The following TENM4 variants were observed in gnomAD, a reference collection of about 807,000 sequenced individuals.
The protein encoded by TENM4 is teneurin transmembrane protein 4, also known as teneurin-4.
A neutral mutation model predicts 243.3 loss-of-function variants in TENM4; 82 were observed. The observed-to-expected ratio is 0.34, with a 90% CI of 0.28 to 0.40. The LOEUF is 0.40. Ranked by LOEUF, TENM4 falls within the 10% of genes least tolerant of loss-of-function variation. TENM4 has a pLI of 1.00. For missense variants in TENM4, 3,138 were observed against 3,673.3 expected (o/e 0.85, Z 3.77); for synonymous variants, 1,412 against 1,456.3 (o/e 0.97, Z 0.69).
chr11:78,813,294 G>C (rs983964097), intron 13 of TENM4, among the ~76,000 whole-genome samples: 1 of 152,172 alleles, frequency 6.6e-6, no homozygotes, highest in Admixed American at 6.5e-5. Context: ...TCAAGCCTCA[G>C]GACTCGGGTG....
At position 78,864,307 on chromosome 11, in the gene TENM4, G is replaced by A. The variant is rs560796125; in HGVS notation, c.1085-1175C>T. Among the ~76,000 whole-genome samples, 39 of 150,814 alleles carry A rather than the reference G, an allele frequency of 2.6e-4. 1 individual carries two copies. The highest frequency in any genetic ancestry group is 1.2e-3 in the East Asian group (6 of 5,124). ...AAATTAGCCGGGCGTAGTGGCGGGCGCCTGTAGTCCCAGCTACTTGGGAGG... is the reference window on the plus strand; with the variant it reads ...AAATTAGCCGGGCGTAGTGGCGGGCACCTGTAGTCCCAGCTACTTGGGAGG... On this transcript the variant is annotated intron_variant, in intron 9 of 33. Transcript: ENST00000278550.
chr11:79,330,142 G>A (rs910513901), intron 1 of TENM4, among the ~76,000 whole-genome samples: 18 of 152,312 alleles, frequency 1.2e-4, no homozygotes, highest in Non-Finnish European at 1.9e-4. Context: ...CTTTAAGCTA[G>A]CAACATGGCA....
rs1858284480 is a variant in TENM4 at position 78,670,166 on chromosome 11, A to G, written c.6179T>C (p.Ile2060Thr). ...GFTCTIRYRQ[I>T]GPLIDRQIFR... ...GATCTGTCGGTCAATCAGGGGCCCA[A>G]TCTGACGGTAGCGGATGGTGCAGGT... is the stretch of plus-strand genomic sequence containing the variant. The change falls in exon 32 of 34, where the codon ATT becomes ACT. Residue 2060 changes from isoleucine (I) to threonine (T), a missense_variant. Transcript: ENST00000278550. 3 of 1,613,848 alleles carry G rather than the reference A, an allele frequency of 1.9e-6. No individual in the cohort carries two copies. Among genetic ancestry groups the G allele is most frequent in the East Asian group, 2.2e-5 (1 of 44,884 alleles).
chr11:79,373,465 G>C (rs1353555276), intron 1 of TENM4, among the ~76,000 whole-genome samples: 3 of 152,088 alleles, frequency 2.0e-5, no homozygotes, highest in Non-Finnish European at 2.9e-5. Context: ...TGAAAGGTTG[G>C]CTGGCTGGCT....
At chr11:79,315,371 G>A (rs1856786311) in intron 1 of TENM4, among the ~76,000 whole-genome samples, 1 of 152,294 alleles carries the variant, frequency 6.6e-6, no homozygotes, top group South Asian at 2.1e-4. Context: ...AAGAGAAAAA[G>A]GGCATTCTGC....
chr11:79,365,789 A>G (rs1857666085), intron 1 of TENM4, among the ~76,000 whole-genome samples: 1 of 152,184 alleles, frequency 6.6e-6, no homozygotes, highest in African/African-American at 2.4e-5. Context: ...GGGAGGTTCC[A>G]TGGAGGAAGT....
chr11:78,892,442 C>T (rs2136299456), intron 7 of TENM4, among the ~76,000 whole-genome samples: 1 of 152,274 alleles, frequency 6.6e-6, no homozygotes, highest in South Asian at 2.1e-4. Flanking sequence ...GTCTTAGAGC[C>T]AGCATTCCCA....
At chr11:79,073,853 C>T (rs1201234960) in intron 4 of TENM4, among the ~76,000 whole-genome samples, 1 of 152,206 alleles carries the variant, frequency 6.6e-6, no homozygotes, top group Non-Finnish European at 1.5e-5. Flanking sequence ...AAAACAAACA[C>T]ATTTTCTGTT....
chr11:79,308,877 C>G (rs375237918), intron 1 of TENM4, among the ~76,000 whole-genome samples: 3 of 152,072 alleles, frequency 2.0e-5, no homozygotes, highest in Admixed American at 1.3e-4. Flanking sequence ...GCTGTGAGGA[C>G]GGAATGAGAA....
rs777302505 is a variant in TENM4, at chr11:78,669,517, C to A, written c.6828G>T (p.Leu2276=). The A allele has an allele frequency of 1.9e-6, 3 of 1,613,956 alleles. No homozygotes were observed. Among genetic ancestry groups the A allele is most frequent in the Admixed American group, 1.7e-5 (1 of 60,026 alleles). The change falls in exon 32 of 34, where the codon CTG becomes CTT. Residue 2276 remains leucine (L), a synonymous_variant. Transcript: ENST00000278550. This position sits in a 1 kb window ranked among gnomAD's most constrained non-coding sequence, Gnocchi z 6.4. ...GDIFEYNSAG[L]LIKAYNRAGS... ...CAGCCCGGTTGTAGGCCTTGATGAG[C>A]AGGCCAGCTGAGTTGTACTCAAAGA...
chr11:79,299,447 A>T (rs905089489), intron 1 of TENM4, among the ~76,000 whole-genome samples: 8 of 152,156 alleles, frequency 5.3e-5, no homozygotes, highest in Non-Finnish European at 1.0e-4. Flanking sequence ...ATTCTGTGCC[A>T]TCTGGCCACC....
intron 3 of TENM4, among the ~76,000 whole-genome samples, chr11:79,174,873 C>A (rs1168701885): frequency 1.3e-5 from 2 of 152,206 alleles, no homozygotes; most frequent in East Asian, 3.8e-4. Flanking sequence ...ACTTTGCCAA[C>A]CTTAGTGGTT....
At chr11:79,377,605 G>A (rs145815571) in intron 1 of TENM4, among the ~76,000 whole-genome samples, 143 of 152,312 alleles carry the variant, frequency 9.4e-4, no homozygotes, top group African/African-American at 3.2e-3. Context: ...CACAGCAGTC[G>A]CTCCATGTAA....
intron 1 of TENM4, among the ~76,000 whole-genome samples, chr11:79,390,684 C>G (rs957762366): frequency 2.0e-5 from 3 of 152,150 alleles, no homozygotes; most frequent in Admixed American, 2.0e-4. Flanking sequence ...CTCAGAATGC[C>G]ACATTAGTCC....
intron 4 of TENM4, among the ~76,000 whole-genome samples, chr11:79,124,643 A>ATGTGTGTGTG (rs1314241984): frequency 2.5e-5 from 3 of 121,618 alleles, no homozygotes; most frequent in African/African-American, 9.2e-5. Context: ...GTATATATAT[A>ATGTGTGTGTG]TATGTGTGTG....
intron 6 of TENM4, among the ~76,000 whole-genome samples, chr11:78,954,173 C>T (rs1280274699): frequency 2.0e-5 from 3 of 152,286 alleles, no homozygotes; most frequent in Admixed American, 6.5e-5. Context: ...GCTCAAAGCA[C>T]CCAGCTCAGA....
chr11:79,066,553 GAC>G (rs1263741267), intron 5 of TENM4, among the ~76,000 whole-genome samples: 3 of 152,092 alleles, frequency 2.0e-5, no homozygotes, highest in African/African-American at 4.8e-5. Flanking sequence ...CACACATGCA[GAC>G]ACACACAGAC....
chr11:79,322,295 G>A (rs902159041), intron 1 of TENM4, among the ~76,000 whole-genome samples: 2 of 152,170 alleles, frequency 1.3e-5, no homozygotes, highest in East Asian at 1.9e-4. Context: ...GCTGCACAAG[G>A]CTAGAGGCTT....
Position 79,066,775 on chromosome 11 carries a change from C to A in TENM4, c.224-1768G>T, listed in dbSNP as rs115476971. Among the ~76,000 whole-genome samples, 604 of 152,300 alleles carry A rather than the reference C, an allele frequency of 4.0e-3. 8 individuals carry two copies. The highest frequency in any genetic ancestry group is 0.014 in the African/African-American group (591 of 41,566). Reference sequence around the variant, plus strand: ...GCACGCACAAGCACGCACACACACACAAGCACATACTCTGGCAGTACTCTG... The same window carrying A: ...GCACGCACAAGCACGCACACACACAAAAGCACATACTCTGGCAGTACTCTG... On this transcript the variant is annotated intron_variant, in intron 5 of 33. Transcript: ENST00000278550.
Sources: allele counts gnomAD v4.1 joint callset (sites outside exome capture counted in the v4.1 genomes callset), GRCh38; gene constraint gnomAD v4.1.1; non-coding constraint Gnocchi (gnomAD v3.1); transcripts MANE v1.5; gene names NCBI Gene and HGNC (gene_info 2026-07-23, HGNC 2026-07-21).